SHISA6: variants seen among roughly 807,000 people sequenced by gnomAD.
The protein encoded by SHISA6 is shisa family member 6, also known as protein shisa-6.
Under a neutral mutation model 47.9 loss-of-function variants are expected in SHISA6, and 22 were observed. The observed-to-expected ratio is 0.46, with a 90% CI of 0.33 to 0.66. SHISA6 has a LOEUF of 0.66. Among genes scored for constraint, SHISA6 ranks in the 30% least tolerant of loss-of-function variants. The pLI is 0.02. For synonymous variants in SHISA6, 388 were observed against 337.8 expected (o/e 1.15, Z -1.63); for missense variants, 680 against 764.6 (o/e 0.89, Z 1.30).
intron 3 of SHISA6, among the ~76,000 whole-genome samples, chr17:11,518,889 G>A (rs1369598406): frequency 6.6e-6 from 1 of 152,074 alleles, no homozygotes; most frequent in Non-Finnish European, 1.5e-5. Context: ...CCCAGCTGAT[G>A]AACTTGTCTC....
intron 3 of SHISA6, among the ~76,000 whole-genome samples, chr17:11,390,070 C>A (rs953021334): frequency 3.3e-5 from 5 of 152,174 alleles, no homozygotes; most frequent in Admixed American, 6.5e-5. Context: ...ATATTCTGTG[C>A]AGATTATAAA....
chr17:11,534,516 A>T (rs75526597), intron 3 of SHISA6, among the ~76,000 whole-genome samples: 8,814 of 152,266 alleles, frequency 0.058, 294 homozygotes, highest in Middle Eastern at 0.096. Flanking sequence ...TCATCAAGAA[A>T]TTAGTGTGTT....
intron 3 of SHISA6, among the ~76,000 whole-genome samples, chr17:11,536,904 A>C (rs2071793003): frequency 6.6e-6 from 1 of 152,208 alleles, no homozygotes. Flanking sequence ...TGTAGTAATT[A>C]CAATAACTTC....
At chr17:11,439,960 T>C (rs1915053637) in intron 3 of SHISA6, among the ~76,000 whole-genome samples, 2 of 152,322 alleles carry the variant, frequency 1.3e-5, no homozygotes, top group African/African-American at 4.8e-5. Flanking sequence ...AATTGCACTT[T>C]GGTGGAGGAA....
intron 2 of SHISA6, among the ~76,000 whole-genome samples, chr17:11,346,324 A>G (rs2142216797): frequency 6.6e-6 from 1 of 152,308 alleles, no homozygotes; most frequent in East Asian, 1.9e-4. Context: ...GGTAAATTCT[A>G]CTTGGTTATG....
At chr17:11,274,312 C>T (rs958145068) in intron 2 of SHISA6, among the ~76,000 whole-genome samples, 6 of 152,188 alleles carry the variant, frequency 3.9e-5, no homozygotes, top group Admixed American at 1.3e-4. Context: ...CGGGCTGTTC[C>T]CAAAATGAGG....
At chr17:11,439,046 G>A (rs773332307) in intron 3 of SHISA6, among the ~76,000 whole-genome samples, 6 of 152,116 alleles carry the variant, frequency 3.9e-5, no homozygotes, top group Non-Finnish European at 8.8e-5. Context: ...GGGTTCTGGG[G>A]AGTTAATTAC....
intron 3 of SHISA6, among the ~76,000 whole-genome samples, chr17:11,380,877 G>C (rs992678591): frequency 3.9e-5 from 6 of 152,106 alleles, no homozygotes; most frequent in Admixed American, 3.9e-4. Context: ...GTTCCTCCCC[G>C]TGACATTCTC....
chr17:11,244,026 A>G (rs1907479524), intron 1 of SHISA6, among the ~76,000 whole-genome samples: 1 of 152,022 alleles, frequency 6.6e-6, no homozygotes, highest in Admixed American at 6.6e-5. Context: ...GACCCTGGAG[A>G]GGTCACTGTC....
intron 3 of SHISA6, among the ~76,000 whole-genome samples, chr17:11,421,921 G>T (rs571644190): frequency 6.6e-6 from 1 of 152,292 alleles, no homozygotes; most frequent in South Asian, 2.1e-4. Context: ...TGGTTGCTCA[G>T]TTTCTCAGGA....
intron 3 of SHISA6, among the ~76,000 whole-genome samples, chr17:11,381,725 T>C (rs1238665052): frequency 6.6e-6 from 1 of 152,176 alleles, no homozygotes; most frequent in Admixed American, 6.5e-5. Flanking sequence ...TGTCTGTTCT[T>C]TCAGTCACTG....
chr17:11,560,263 C>G lies in SHISA6; in HGVS notation c.*1959C>G, dbSNP rs1227999395. On this transcript the variant is annotated 3_prime_UTR_variant, in exon 6 of 6. Transcript: ENST00000441885. ...ACCCTGGATCTTAGGGGGATGGAGG[C>G]TGGGGGTTGTGAAAGCCACTGTCAG... is the stretch of plus-strand genomic sequence containing the variant. The G allele has an allele frequency of 1.3e-5, 2 of 152,414 alleles. No individual in the cohort carries two copies. The highest frequency in any genetic ancestry group is 2.9e-5 in the Non-Finnish European group (2 of 68,244). The allele number at this position is 152,414 out of a possible 1,614,324, so 9.4% of individuals were successfully genotyped here. A position where few individuals can be genotyped will look rare whatever the true frequency, so the allele number is the denominator to read the frequency against.
chr17:11,512,112 C>T (rs565172182), intron 3 of SHISA6, among the ~76,000 whole-genome samples: 1 of 152,348 alleles, frequency 6.6e-6, no homozygotes, highest in Admixed American at 6.5e-5. Flanking sequence ...AGTACAATTT[C>T]ATGTCGGCAC....
intron 3 of SHISA6, among the ~76,000 whole-genome samples, chr17:11,474,675 C>T (rs570518417): frequency 7.2e-5 from 11 of 152,198 alleles, no homozygotes; most frequent in African/African-American, 2.4e-4. Context: ...TCTGTTTTTT[C>T]ACTAATACCA....
chr17:11,527,102 C>G (rs1042330887), intron 3 of SHISA6, among the ~76,000 whole-genome samples: 1 of 151,906 alleles, frequency 6.6e-6, no homozygotes, highest in African/African-American at 2.4e-5. Flanking sequence ...CTATTTCTTT[C>G]CTGGACATTT....
At chr17:11,293,283 G>A (rs889979704) in intron 2 of SHISA6, among the ~76,000 whole-genome samples, 2 of 152,096 alleles carry the variant, frequency 1.3e-5, no homozygotes, top group African/African-American at 4.8e-5. Flanking sequence ...GGGTGAAGTC[G>A]GTGCATTGGG....
At chr17:11,448,528 C>A (rs1260227110) in intron 3 of SHISA6, among the ~76,000 whole-genome samples, 2 of 151,772 alleles carry the variant, frequency 1.3e-5, no homozygotes, top group Non-Finnish European at 2.9e-5. Context: ...TAACACCCTG[C>A]CTCTGAAAAA....
chr17:11,246,450 A>G (rs113424552), intron 1 of SHISA6, among the ~76,000 whole-genome samples: 18 of 152,344 alleles, frequency 1.2e-4, no homozygotes, highest in Non-Finnish European at 2.4e-4. Context: ...AGATCGCACC[A>G]CTGCACTCCA....
intron 3 of SHISA6, among the ~76,000 whole-genome samples, chr17:11,461,615 C>T (rs1915694367): frequency 6.6e-6 from 1 of 152,078 alleles, no homozygotes; most frequent in Admixed American, 6.6e-5. Context: ...ATTGTGGTTT[C>T]CACAGGAAGG....
Sources: allele counts gnomAD v4.1 joint callset (sites outside exome capture counted in the v4.1 genomes callset), GRCh38; gene constraint gnomAD v4.1.1; transcripts MANE v1.5; gene names NCBI Gene and HGNC (gene_info 2026-07-23, HGNC 2026-07-21).